Variants in CPQ observed in about 807,000 individuals in gnomAD.
The protein encoded by CPQ is Ser-Met dipeptidase.
A neutral mutation model predicts 45.7 loss-of-function variants in CPQ; 37 were observed. The observed-to-expected ratio is 0.81, with a 90% CI of 0.62 to 1.07. The LOEUF (loss-of-function observed/expected upper bound fraction) is 1.07. Among genes scored for constraint, CPQ ranks in the 50% least tolerant of loss-of-function variants. The probability of loss-of-function intolerance (pLI) is 0.00; values close to 1 mark genes in which losing one functional copy is unlikely to be tolerated. For synonymous variants in CPQ, 186 were observed against 205.8 expected, an observed-to-expected ratio of 0.90 and a Z score of 0.82; for missense variants, 537 against 572.9, an observed-to-expected ratio of 0.94 and a Z score of 0.64.
chr8:96,913,945 T>C (rs1586449319), intron 4 of CPQ, among the ~76,000 whole-genome samples: 1 of 152,336 alleles, frequency 6.6e-6, no homozygotes, highest in Non-Finnish European at 1.5e-5. Context: ...TTAAAGAAAG[T>C]AATTCTTGTT....
At chr8:97,029,590 C>A in intron 6 of CPQ, 96 bp downstream of exon 6, 1 of 1,142,794 alleles carries the variant, frequency 8.8e-7, no homozygotes, top group Non-Finnish European at 1.3e-6. Context: ...ACTTTCTGGT[C>A]AACTGGCCCT....
rs149693593 is a variant in CPQ, at chr8:96,772,202, A to C, written c.-34-12662A>C. Among the ~76,000 whole-genome samples, 1,217 of 152,246 alleles carry C rather than the reference A, an allele frequency of 8.0e-3. 19 individuals are homozygous for C. The highest frequency in any genetic ancestry group is 0.023 in the African/African-American group (940 of 41,542). On this transcript the variant is annotated intron_variant, in intron 1 of 7. Coordinates refer to ENST00000220763, the MANE Select transcript of CPQ (RefSeq NM_016134.4). ...ATTATTGTGGTAGTTCAGGTTGAAG[A>C]AAGATAACTGAAACCAAGGTGGAGA...
chr8:96,846,843 GACAT>G (rs1336114722), intron 3 of CPQ, among the ~76,000 whole-genome samples: 1 of 152,036 alleles, frequency 6.6e-6, no homozygotes, highest in African/African-American at 2.4e-5. Flanking sequence ...TCCAATCAAG[GACAT>G]ACATTACATT....
At chr8:96,699,478 A>G (rs1809428187) in intron 1 of CPQ, among the ~76,000 whole-genome samples, 1 of 152,150 alleles carries the variant, frequency 6.6e-6, no homozygotes, top group Non-Finnish European at 1.5e-5. Context: ...AAAAATAACT[A>G]AAAGAGTATA....
At chr8:97,127,065 A>G (rs924350979) in intron 7 of CPQ, among the ~76,000 whole-genome samples, 3 of 152,216 alleles carry the variant, frequency 2.0e-5, no homozygotes, top group African/African-American at 7.2e-5. Context: ...TATGATAATT[A>G]TAGAAGAAAA....
chr8:96,690,484 T>TA (rs1563470083), intron 1 of CPQ, among the ~76,000 whole-genome samples: 1 of 152,212 alleles, frequency 6.6e-6, no homozygotes, highest in African/African-American at 2.4e-5. Flanking sequence ...CAGTCTCAGT[T>TA]ACTTGCTTTC....
chr8:97,041,305 G>A (rs1810119592), intron 6 of CPQ, among the ~76,000 whole-genome samples: 3 of 152,062 alleles, frequency 2.0e-5, no homozygotes, highest in Admixed American at 6.6e-5. Flanking sequence ...TGGTGTATAA[G>A]AATGCTTGTG....
intron 4 of CPQ, among the ~76,000 whole-genome samples, chr8:96,934,187 G>A (rs73698822): frequency 0.08 from 12,155 of 152,228 alleles, 940 homozygotes; most frequent in African/African-American, 0.2. Context: ...GCATTCTCTG[G>A]AGTCTCCCAT....
chr8:96,740,287 G>T (rs1452343088), intron 1 of CPQ, among the ~76,000 whole-genome samples: 1 of 152,166 alleles, frequency 6.6e-6, no homozygotes, highest in Non-Finnish European at 1.5e-5. Flanking sequence ...GTATAAGAAT[G>T]CTTGTGATTT....
At chr8:96,712,310 G>A (rs1481351352) in intron 1 of CPQ, among the ~76,000 whole-genome samples, 1 of 152,120 alleles carries the variant, frequency 6.6e-6, no homozygotes, top group Non-Finnish European at 1.5e-5. Flanking sequence ...TAGCATTCTG[G>A]TATCTGGAGG....
In CPQ at chr8:96,657,033, T is replaced by TA. The variant is rs540417863; in HGVS notation, c.-35+11632dup. On this transcript the variant is annotated intron_variant, in intron 1 of 7. Coordinates refer to ENST00000220763, the MANE Select transcript of CPQ (RefSeq NM_016134.4). ...ACTCTGGTTACCTTTTTTTTTTTTTTACTGTATGGGCCCAGTTAAAAAGAT... is the reference window on the plus strand; with the variant it reads ...ACTCTGGTTACCTTTTTTTTTTTTTTAACTGTATGGGCCCAGTTAAAAAGAT... Among the ~76,000 whole-genome samples the TA allele has an allele frequency of 5.3e-5, 8 of 151,898 alleles. No homozygotes were observed. In the South Asian group the frequency reaches 1.2e-3, roughly 24 times the overall value.
chr8:96,912,076 A>G (rs568183170), intron 4 of CPQ, among the ~76,000 whole-genome samples: 1 of 152,284 alleles, frequency 6.6e-6, no homozygotes, highest in South Asian at 2.1e-4. Context: ...TAATTACAGG[A>G]CAATGTTTTG....
chr8:96,973,347 A>G (rs1383590367), intron 5 of CPQ, among the ~76,000 whole-genome samples: 3 of 152,148 alleles, frequency 2.0e-5, no homozygotes, highest in African/African-American at 7.2e-5. Flanking sequence ...AATTGAACAA[A>G]GCCTCCAAGA....
intron 2 of CPQ, among the ~76,000 whole-genome samples, chr8:96,788,648 C>G (rs945358275): frequency 6.6e-6 from 1 of 151,944 alleles, no homozygotes; most frequent in African/African-American, 2.4e-5. Context: ...GATTTTCTTG[C>G]ATGTGTAGAT....
chr8:96,692,619 A>G (rs1809319589), intron 1 of CPQ, among the ~76,000 whole-genome samples: 1 of 152,192 alleles, frequency 6.6e-6, no homozygotes, highest in South Asian at 2.1e-4. Context: ...CCACAGTTTT[A>G]CTAAGCTTTA....
At chr8:97,058,759 A>C (rs1437402029) in intron 6 of CPQ, among the ~76,000 whole-genome samples, 2 of 152,192 alleles carry the variant, frequency 1.3e-5, no homozygotes, top group Non-Finnish European at 2.9e-5. Flanking sequence ...ACATAGCATT[A>C]AAGGAATCAA....
At chr8:96,836,792 C>T (rs1210444635) in intron 3 of CPQ, among the ~76,000 whole-genome samples, 1 of 147,966 alleles carries the variant, frequency 6.8e-6, no homozygotes, top group African/African-American at 2.5e-5. Flanking sequence ...GATTCACTGG[C>T]ATTTTTTTTT....
chr8:96,726,743 G>A (rs1343330329), intron 1 of CPQ, among the ~76,000 whole-genome samples: 2 of 152,108 alleles, frequency 1.3e-5, no homozygotes, highest in Non-Finnish European at 2.9e-5. Context: ...TGTGGACATA[G>A]ATCCAAACCA....
intron 1 of CPQ, among the ~76,000 whole-genome samples, chr8:96,715,388 C>A (rs1316309438): frequency 6.6e-6 from 1 of 152,168 alleles, no homozygotes; most frequent in Non-Finnish European, 1.5e-5. Context: ...CTTTCCATCT[C>A]CAAGAATGTT....
Sources: allele counts gnomAD v4.1 joint callset (sites outside exome capture counted in the v4.1 genomes callset), GRCh38; gene constraint gnomAD v4.1.1; transcripts MANE v1.5; gene names NCBI Gene and HGNC (gene_info 2026-07-23, HGNC 2026-07-21).